Variants in GPA33 observed in about 807,000 individuals in gnomAD.
GPA33 encodes cell surface A33 antigen.
In GPA33, 27 loss-of-function variants were observed where a neutral mutation model predicts 35.6. That is an observed-to-expected ratio of 0.76 (90% CI 0.56 to 1.04). The LOEUF is 1.04. Ranked by LOEUF, GPA33 falls within the 50% of genes least tolerant of loss-of-function variation. The pLI is 0.00. For synonymous variants in GPA33, 176 were observed against 164.0 expected (o/e 1.07, Z -0.56); for missense variants, 428 against 411.9 (o/e 1.04, Z -0.34).
chr1:167,060,418 C>T (rs879743653), intron 4 of GPA33, among the ~76,000 whole-genome samples: 3 of 152,160 alleles, frequency 2.0e-5, no homozygotes, highest in Non-Finnish European at 2.9e-5. Context: ...AGAGTGGAAA[C>T]GAAGGCTTTG....
chr1:167,074,019 A>G (rs1666774741), intron 1 of GPA33, among the ~76,000 whole-genome samples: 2 of 151,526 alleles, frequency 1.3e-5, no homozygotes. Flanking sequence ...TTTATGGAAC[A>G]TTTGTATGTG....
Position 167,063,737 on chromosome 1 carries a change from ACTATATAGAGGAGAGAC to A in GPA33, c.416-17_416-1del, listed in dbSNP as rs1666521896. 3 of 1,612,354 alleles carry A rather than the reference ACTATATAGAGGAGAGAC, an allele frequency of 1.9e-6. No individual in the cohort carries two copies. Among genetic ancestry groups the A allele is most frequent in the Non-Finnish European group, 2.5e-6 (3 of 1,179,876 alleles). The stretch of plus-strand genomic sequence containing the variant: ...GCCGCATTCTGGTTTGGAGGGTGGC[ACTATATAGAGGAGAGAC>A]CAAAGAGAAGGCATGAGGCAGGTGG... On this transcript the variant is annotated splice_acceptor_variant and splice_polypyrimidine_tract_variant and intron_variant, in intron 3 of 6. Coordinates refer to ENST00000367868, the MANE Select transcript of GPA33 (RefSeq NM_005814.3). LOFTEE classifies it high-confidence loss of function.
chr1:167,054,320 C>T lies in GPA33; in HGVS notation c.*14G>A. The T allele has an allele frequency of 6.2e-7, 1 of 1,613,988 alleles. No individual in the cohort carries two copies. ...CCCCTAACCCTTCCTCCGCCGCCCT[C>T]TGCTGCTGGCCTGTCACTGGTCGAG... On this transcript the variant is annotated 3_prime_UTR_variant, in exon 7 of 7. Coordinates refer to ENST00000367868, the MANE Select transcript of GPA33 (RefSeq NM_005814.3).
intron 4 of GPA33, among the ~76,000 whole-genome samples, chr1:167,058,989 C>T (rs1666371233): frequency 6.6e-6 from 1 of 152,210 alleles, no homozygotes; most frequent in South Asian, 2.1e-4. Context: ...TAACAGATCC[C>T]CACCACTTAA....
At chr1:167,090,173 G>T in intron 1 of GPA33, 72 bp downstream of exon 1, 1 of 1,184,984 alleles carries the variant, frequency 8.4e-7, no homozygotes, top group Non-Finnish European at 1.3e-6. Context: ...CTCTGACAGA[G>T]CCTCTCCTTC....
intron 4 of GPA33, among the ~76,000 whole-genome samples, chr1:167,056,708 TA>T (rs1666285894): frequency 0.012 from 21 of 1,780 alleles, no homozygotes; most frequent in South Asian, 0.016. Flanking sequence ...GTGGTGTGTG[TA>T]GTGTGTGTGT....
At chr1:167,088,746 G>A (rs1667102835) in intron 1 of GPA33, among the ~76,000 whole-genome samples, 1 of 152,154 alleles carries the variant, frequency 6.6e-6, no homozygotes, top group Non-Finnish European at 1.5e-5. Context: ...ATTCATGCAT[G>A]GGTCGCAGCC....
chr1:167,082,315 C>T (rs983393204), intron 1 of GPA33: 1 of 456,096 alleles, frequency 2.2e-6, no homozygotes, highest in Non-Finnish European at 4.4e-6. Context: ...AAATGCTCTG[C>T]AACAAACATA....
chr1:167,059,465 C>A (rs1305832104), intron 4 of GPA33, among the ~76,000 whole-genome samples: 3 of 152,056 alleles, frequency 2.0e-5, no homozygotes, highest in African/African-American at 4.8e-5. Context: ...CAAGACCTAA[C>A]GTTTCCGCAT....
At chr1:167,077,210 A>G (rs1174131759) in intron 1 of GPA33, among the ~76,000 whole-genome samples, 1 of 152,006 alleles carries the variant, frequency 6.6e-6, no homozygotes, top group Non-Finnish European at 1.5e-5. Flanking sequence ...CATTTCCAAA[A>G]AAAAAAAAAG....
chr1:167,089,356 TCTC>T (rs1484803426), intron 1 of GPA33, among the ~76,000 whole-genome samples: 6 of 152,262 alleles, frequency 3.9e-5, no homozygotes, highest in Middle Eastern at 3.4e-3. Flanking sequence ...GTATAGCTCT[TCTC>T]CTCCCCGTTG....
In GPA33 at chr1:167,055,734, T is replaced by G. The variant is rs142982721; in HGVS notation, c.687A>C (p.Arg229Ser). 2 of 1,613,860 alleles carry G rather than the reference T, an allele frequency of 1.2e-6. No individual in the cohort carries two copies. Among genetic ancestry groups the G allele is most frequent in the African/African-American group, 2.7e-5 (2 of 74,918 alleles). The change falls in exon 5 of 7, where the codon AGA becomes AGC. Residue 229 changes from arginine to serine, a missense_variant. Arg to Ser is a moderately radical substitution (Grantham distance 110). Coordinates refer to ENST00000367868, the MANE Select transcript of GPA33 (RefSeq NM_005814.3). ...CCCCCCGCAGGCTGCTCTTACGAGA[T>G]CTGACGGCCACCGTGATGTTGCAGA... ...TQFCNITVAV[R>S]SPSMNVALYV...
intron 6 of GPA33, 120 bp from the exon 7 acceptor site, chr1:167,054,586 G>A (rs1666192652): frequency 2.4e-6 from 3 of 1,229,616 alleles, no homozygotes. Flanking sequence ...CCCACCAGCT[G>A]CAGAGGACAC....
chr1:167,086,115 A>G (rs1667042405), intron 1 of GPA33, among the ~76,000 whole-genome samples: 1 of 152,274 alleles, frequency 6.6e-6, no homozygotes, highest in Non-Finnish European at 1.5e-5. Context: ...CTAGAGTAGG[A>G]CATTTTAATC....
rs35152579 is a variant in GPA33, at chr1:167,054,343, G to A, written c.951C>T (p.Leu317=). 2.1e-4 allele frequency: 344 copies of A among 1,614,080 alleles called. 2 individuals carry two copies. The Middle Eastern group carries it at 3.8e-3, about 18-fold the overall frequency. Residue 317 remains leucine, a synonymous_variant, in exon 7 of 7, where the codon CTC becomes CTT. Transcript: ENST00000367868. ...RSTGRESPDH[L]DQ is the part of the protein sequence containing the mutation. ...CTCTGCTGCTGGCCTGTCACTGGTCGAGGTGGTCCGGGGATTCACGCCCAG... is the reference window on the plus strand; with the variant it reads ...CTCTGCTGCTGGCCTGTCACTGGTCAAGGTGGTCCGGGGATTCACGCCCAG...
intron 2 of GPA33, among the ~76,000 whole-genome samples, chr1:167,072,957 T>G (rs1309302930): frequency 1.3e-5 from 2 of 151,940 alleles, no homozygotes; most frequent in Admixed American, 6.5e-5. Flanking sequence ...TGCACACTTT[T>G]TATGAGGTTT....
intron 4 of GPA33, among the ~76,000 whole-genome samples, chr1:167,061,604 T>G (rs1463047485): frequency 1.4e-5 from 2 of 142,994 alleles, no homozygotes; most frequent in Non-Finnish European, 3.0e-5. Context: ...TTTTTTTTTT[T>G]TTTTTTTTTG....
At chr1:167,056,720 A>ATG (rs1203804318) in intron 4 of GPA33, among the ~76,000 whole-genome samples, 1 of 3,774 alleles carries the variant, frequency 2.6e-4, no homozygotes. Context: ...GTGTGTGTGT[A>ATG]GTGTGTGATG....
At chr1:167,073,033 C>T (rs967751467) in intron 2 of GPA33, among the ~76,000 whole-genome samples, 1 of 151,702 alleles carries the variant, frequency 6.6e-6, no homozygotes. Flanking sequence ...AAACAAAACT[C>T]CTCCACACTT....
Sources: allele counts gnomAD v4.1 joint callset (sites outside exome capture counted in the v4.1 genomes callset), GRCh38; gene constraint gnomAD v4.1.1; transcripts MANE v1.5; gene names NCBI Gene and HGNC (gene_info 2026-07-23, HGNC 2026-07-21).